Variants in ATP1A1 observed in about 807,000 individuals in gnomAD.
The protein encoded by ATP1A1 is ATPase Na+/K+ transporting subunit alpha 1.
In ATP1A1, 14 loss-of-function variants were observed where a neutral mutation model predicts 114.8. That is an observed-to-expected ratio of 0.12 (90% CI 0.08 to 0.19). ATP1A1 has a LOEUF of 0.19. Among genes scored for constraint, ATP1A1 ranks in the 10% least tolerant of loss-of-function variants. ATP1A1 has a pLI of 1.00. For synonymous variants in ATP1A1, 471 were observed against 466.3 expected, an observed-to-expected ratio of 1.01 and a Z score of -0.13; for missense variants, 524 against 1,290.7, an observed-to-expected ratio of 0.41 and a Z score of 9.10.
Position 116,393,744 on chromosome 1 carries a change from C to T in ATP1A1, c.1660+21C>T. On this transcript the variant is annotated intron_variant, in intron 12 of 22. Coordinates refer to ENST00000295598, the MANE Select transcript of ATP1A1 (RefSeq NM_000701.8). The surrounding 1 kb of genome is among the most constrained non-coding windows in gnomAD (Gnocchi z 5.0). ...CCTAGGTATGCAGATAACCTGGTAA[C>T]AGAGTGCCTGGGCACGTTTTTATCC... 6.2e-7 allele frequency: 1 copy of T among 1,605,750 alleles called. No homozygotes were observed. Among genetic ancestry groups the T allele is most frequent in the Non-Finnish European group, 8.5e-7 (1 of 1,176,150 alleles).
At chr1:116,378,535 T>C in intron 1 of ATP1A1, among the ~76,000 whole-genome samples, 2 of 134,252 alleles carry the variant, frequency 1.5e-5, no homozygotes. Context: ...CGGTGAGCTG[T>C]GATTGCTCTT....
At position 116,384,904 on chromosome 1, in the gene ATP1A1, G is replaced by A; in HGVS notation, c.183+62G>A. The A allele has an allele frequency of 6.5e-7, 1 of 1,539,694 alleles. No individual in the cohort carries two copies. The highest frequency in any genetic ancestry group is 9.0e-7 in the Non-Finnish European group (1 of 1,113,168). On this transcript the variant is annotated intron_variant, in intron 3 of 22. Coordinates refer to ENST00000295598, the MANE Select transcript of ATP1A1 (RefSeq NM_000701.8). The surrounding 1 kb of genome is among the most constrained non-coding windows in gnomAD (Gnocchi z 5.1). ...AGTTTTCCGTATTATATTTTCCCCT[G>A]TATTACATACAGGTCTAACCTCAGG...
In ATP1A1 at chr1:116,395,437, A is replaced by C; in HGVS notation, c.1836+152A>C. The C allele has an allele frequency of 1.1e-6, 1 of 892,550 alleles. No individual in the cohort carries two copies. The highest frequency in any genetic ancestry group is 1.6e-6 in the Non-Finnish European group (1 of 632,042). 55.3% of individuals were successfully genotyped at this position (892,550 alleles called of 1,614,324 possible). On this transcript the variant is annotated intron_variant, in intron 13 of 22. Coordinates refer to ENST00000295598, the MANE Select transcript of ATP1A1 (RefSeq NM_000701.8). The surrounding 1 kb of genome is among the most constrained non-coding windows in gnomAD (Gnocchi z 6.4). ...CCAAAGCTTTACTTCCACCCAGAAA[A>C]GACCAGATAGTATTAAAATATGATG...
Position 116,388,796 on chromosome 1 carries a change from C to G in ATP1A1, c.636+24C>G. On this transcript the variant is annotated intron_variant, in intron 6 of 22. Coordinates refer to ENST00000295598, the MANE Select transcript of ATP1A1 (RefSeq NM_000701.8). This position sits in a 1 kb window ranked among gnomAD's most constrained non-coding sequence, Gnocchi z 5.6. ...AGGTAGCTCTTTTATTTTAACAAAC[C>G]TCATAGCTAGCTCTGCTGTTCGGGC... 6.2e-7 allele frequency: 1 copy of G among 1,613,704 alleles called. No homozygotes were observed. The highest frequency in any genetic ancestry group is 1.1e-5 in the South Asian group (1 of 91,028).
intron 1 of ATP1A1, among the ~76,000 whole-genome samples, chr1:116,375,486 C>T (rs1012893002): frequency 6.6e-6 from 1 of 152,202 alleles, no homozygotes; most frequent in African/African-American, 2.4e-5. Flanking sequence ...GGTGGTAACC[C>T]ACCTGAATAG....
chr1:116,391,181 A>G (rs1370882393), intron 10 of ATP1A1, among the ~76,000 whole-genome samples: 1 of 152,072 alleles, frequency 6.6e-6, no homozygotes, highest in Non-Finnish European at 1.5e-5. Flanking sequence ...TTGGTGAAAA[A>G]CCTAATTCAT....
chr1:116,390,801 T>C lies in ATP1A1; in HGVS notation c.1242T>C (p.Thr414=), dbSNP rs985750787. ...ENQSGVSFDK[T]SATWLALSRI... ...CATCAGGTGTCTCTTTTGACAAGAC[T>C]TCAGCTACCTGGCTTGCTCTGTCCA... The change falls in exon 10 of 23, where the codon ACT becomes ACC. Residue 414 remains threonine (T), a synonymous_variant. Transcript: ENST00000295598. The C allele has an allele frequency of 6.2e-7, 1 of 1,614,094 alleles. No homozygotes were observed. Among genetic ancestry groups the C allele is most frequent in the African/African-American group, 1.3e-5 (1 of 74,942 alleles).
At position 116,399,217 on chromosome 1, in the gene ATP1A1, G is replaced by T; in HGVS notation, c.2448+133G>T. 2 of 1,414,892 alleles carry T rather than the reference G, an allele frequency of 1.4e-6. No individual in the cohort carries two copies. Among genetic ancestry groups the T allele is most frequent in the South Asian group, 1.3e-5 (1 of 74,984 alleles). The allele number at this position is 1,414,892 out of a possible 1,614,324, so 87.6% of individuals were successfully genotyped here. On this transcript the variant is annotated intron_variant, in intron 17 of 22. Transcript: ENST00000295598. This position sits in a 1 kb window ranked among gnomAD's most constrained non-coding sequence, Gnocchi z 5.0. ...TTCTCAGGACCAGTATCCAGTGTGT[G>T]TCCCAATCCCGGCTTCACAGAATCA...
intron 10 of ATP1A1, 94 bp from the exon 11 acceptor site, chr1:116,392,760 A>G (rs1652570016): frequency 6.9e-7 from 1 of 1,459,608 alleles, no homozygotes; most frequent in African/African-American, 1.4e-5. Context: ...CTCTGACAAG[A>G]TTGGAATGTG....
rs1346841238 is a variant in ATP1A1 at position 116,398,191 on chromosome 1, A to G, written c.2124+153A>G. ...CAGTAGGAAGCTCATAGGCATAGAG[A>G]GGGTGACTTGTTAATGGTTTAGCAG... On this transcript the variant is annotated intron_variant, in intron 15 of 22. Transcript: ENST00000295598. This position sits in a 1 kb window ranked among gnomAD's most constrained non-coding sequence, Gnocchi z 6.1. Among the ~76,000 whole-genome samples the G allele has an allele frequency of 2.0e-5, 3 of 152,200 alleles. No homozygotes were observed. The highest frequency in any genetic ancestry group is 4.4e-5 in the Non-Finnish European group (3 of 68,044).
Position 116,401,873 on chromosome 1 carries a change from G to C in ATP1A1, c.2951+218G>C. On this transcript the variant is annotated intron_variant, in intron 21 of 22. Transcript: ENST00000295598. This position sits in a 1 kb window ranked among gnomAD's most constrained non-coding sequence, Gnocchi z 4.7. Reference sequence around the variant, plus strand: ...AGCTAGTGTTTAGGATTTGGCCCAAGATAAGATAAAGCCACACAGGCTCTA... The same window carrying C: ...AGCTAGTGTTTAGGATTTGGCCCAACATAAGATAAAGCCACACAGGCTCTA... 3 of 589,866 alleles carry C rather than the reference G, an allele frequency of 5.1e-6. No homozygotes were observed. The allele number at this position is 589,866 out of a possible 1,614,324, so 36.5% of individuals were successfully genotyped here.
rs887503868 is a variant in ATP1A1 at position 116,399,103 on chromosome 1, A to G, written c.2448+19A>G. On this transcript the variant is annotated intron_variant, in intron 17 of 22. Coordinates refer to ENST00000295598, the MANE Select transcript of ATP1A1 (RefSeq NM_000701.8). This position sits in a 1 kb window ranked among gnomAD's most constrained non-coding sequence, Gnocchi z 5.0. Reference sequence around the variant, plus strand: ...TGACATGGTGAGTGTCACAACAGTCACAGATCGATAGTAGTGAGGTGTGAG... The same window carrying G: ...TGACATGGTGAGTGTCACAACAGTCGCAGATCGATAGTAGTGAGGTGTGAG... The G allele has an allele frequency of 1.2e-6, 2 of 1,614,056 alleles. No homozygotes were observed. The highest frequency in any genetic ancestry group is 1.7e-6 in the Non-Finnish European group (2 of 1,179,960).
At chr1:116,383,940 C>T in intron 1 of ATP1A1, 74 bp from the exon 2 acceptor site, 1 of 1,268,836 alleles carries the variant, frequency 7.9e-7, no homozygotes, top group Non-Finnish European at 1.1e-6. Flanking sequence ...CTACCAAAAT[C>T]CCCTGCTCCA....
In ATP1A1 at chr1:116,393,728, G is replaced by A. The variant is rs778549269; in HGVS notation, c.1660+5G>A. On this transcript the variant is annotated splice_donor_5th_base_variant and intron_variant, in intron 12 of 22. Coordinates refer to ENST00000295598, the MANE Select transcript of ATP1A1 (RefSeq NM_000701.8). This position sits in a 1 kb window ranked among gnomAD's most constrained non-coding sequence, Gnocchi z 5.0. The stretch of plus-strand genomic sequence containing the variant: ...GCCTCGGAGAACGAGTCCTAGGTAT[G>A]CAGATAACCTGGTAACAGAGTGCCT... 7 of 1,611,234 alleles carry A rather than the reference G, an allele frequency of 4.3e-6. No homozygotes were observed. The South Asian group carries it at 7.7e-5, about 18-fold the overall frequency.
In ATP1A1 at chr1:116,384,169, C is replaced by T. The variant is rs1651928114; in HGVS notation, c.123+45C>T. On this transcript the variant is annotated intron_variant, in intron 2 of 22. Transcript: ENST00000295598. The surrounding 1 kb of genome is among the most constrained non-coding windows in gnomAD (Gnocchi z 5.1). ...TTGTATTCCATCCTTATTAAAAATC[C>T]ATGATTTTTAATCCCCCAGGCCTCA... 1 of 1,513,058 alleles carries T rather than the reference C, an allele frequency of 6.6e-7. No individual in the cohort carries two copies. The highest frequency in any genetic ancestry group is 1.1e-5 in the South Asian group (1 of 87,342). 93.7% of individuals were successfully genotyped at this position (1,513,058 alleles called of 1,614,324 possible). A position where few individuals can be genotyped will look rare whatever the true frequency, so the allele number is the denominator to read the frequency against.
At chr1:116,386,144 AAAAAAAAAAAAAAGG>A (rs1461160793) in intron 3 of ATP1A1, 3 of 148,990 alleles carry the variant, frequency 2.0e-5, no homozygotes, top group Non-Finnish European at 4.5e-5. Context: ...AAAAAAAAAA[AAAAAAAAAAAAAAGG>A]AGAGAAGAAC....
rs1653417479 is a variant in ATP1A1 at position 116,400,919 on chromosome 1, C to A, written c.2631C>A (p.Gly877=). 2 of 1,614,120 alleles carry A rather than the reference C, an allele frequency of 1.2e-6. No homozygotes were observed. Among genetic ancestry groups the A allele is most frequent in the Admixed American group, 3.3e-5 (2 of 60,006 alleles). The change falls in exon 19 of 23, where the codon GGC becomes GGA. Residue 877 remains glycine (G), a synonymous_variant. Coordinates refer to ENST00000295598, the MANE Select transcript of ATP1A1 (RefSeq NM_000701.8). ...ACTTTGTGATTCTGGCTGAGAACGGCTTCCTCCCAATTCACCTGTTGGGCC... is the reference window on the plus strand; with the variant it reads ...ACTTTGTGATTCTGGCTGAGAACGGATTCCTCCCAATTCACCTGTTGGGCC... The part of the protein sequence containing the change: ...FTYFVILAEN[G]FLPIHLLGLR...
intron 1 of ATP1A1, chr1:116,373,947 CTTCCTT>C: frequency 2.2e-6 from 3 of 1,345,102 alleles, no homozygotes; most frequent in Non-Finnish European, 2.9e-6. Flanking sequence ...CCTCCTTCTC[CTTCCTT>C]TTCCCTCCGC....
chr1:116,388,061 C>CA lies in ATP1A1; in HGVS notation c.388-64dup. The CA allele has an allele frequency of 1.9e-6, 2 of 1,029,860 alleles. No homozygotes were observed. The highest frequency in any genetic ancestry group is 2.9e-6 in the Non-Finnish European group (2 of 681,194). The allele number at this position is 1,029,860 out of a possible 1,614,324, so 63.8% of individuals were successfully genotyped here. On this transcript the variant is annotated intron_variant, in intron 4 of 22. Coordinates refer to ENST00000295598, the MANE Select transcript of ATP1A1 (RefSeq NM_000701.8). The surrounding 1 kb of genome is among the most constrained non-coding windows in gnomAD (Gnocchi z 5.6). ...ATTAAAAATCTGTTTTTTATTCAGT[C>CA]AAAAAATTAATTGAATGTCCCTAAT...
Sources: allele counts gnomAD v4.1 joint callset (sites outside exome capture counted in the v4.1 genomes callset), GRCh38; gene constraint gnomAD v4.1.1; non-coding constraint Gnocchi (gnomAD v3.1); transcripts MANE v1.5; gene names NCBI Gene and HGNC (gene_info 2026-07-23, HGNC 2026-07-21).